The following ITGBL1 variants were observed in gnomAD, a reference collection of about 807,000 sequenced individuals.
The protein encoded by ITGBL1 is integrin beta-like protein 1.
Under a neutral mutation model 68.5 loss-of-function variants are expected in ITGBL1, and 51 were observed. The observed-to-expected ratio is 0.74, with a 90% CI of 0.59 to 0.94. The LOEUF (loss-of-function observed/expected upper bound fraction) is 0.94. ITGBL1 is among the 40% of genes least tolerant of loss of function. The probability of loss-of-function intolerance (pLI) is 0.00; values close to 1 mark genes in which losing one functional copy is unlikely to be tolerated. For synonymous variants in ITGBL1, 209 were observed against 227.3 expected, an observed-to-expected ratio of 0.92 and a Z score of 0.72; for missense variants, 649 against 647.4, an observed-to-expected ratio of 1.00 and a Z score of -0.03.
At chr13:101,643,902 A>G (rs1031925813) in intron 7 of ITGBL1, among the ~76,000 whole-genome samples, 2 of 152,228 alleles carry the variant, frequency 1.3e-5, no homozygotes, top group Admixed American at 1.3e-4. Flanking sequence ...ATGAATACCA[A>G]GCTCTTTCTC....
At chr13:101,592,414 G>T (rs555617531) in intron 6 of ITGBL1, among the ~76,000 whole-genome samples, 1 of 152,042 alleles carries the variant, frequency 6.6e-6, no homozygotes, top group Admixed American at 6.6e-5. Flanking sequence ...ATCTGCGGTC[G>T]TGTCAAAAAT....
chr13:101,530,254 G>C (rs9300676), intron 2 of ITGBL1, among the ~76,000 whole-genome samples: 1 of 151,520 alleles, frequency 6.6e-6, no homozygotes, highest in African/African-American at 2.4e-5. Flanking sequence ...ATTATATATA[G>C]AGAGAGAGAG....
chr13:101,577,418 TTTGAG>T (rs1424115262), intron 4 of ITGBL1, among the ~76,000 whole-genome samples: 2 of 152,232 alleles, frequency 1.3e-5, no homozygotes, highest in African/African-American at 2.4e-5. Context: ...AATATTTTTA[TTTGAG>T]TTATGTGGAT....
At chr13:101,603,085 G>T (rs2030489036) in intron 7 of ITGBL1, among the ~76,000 whole-genome samples, 6 of 151,868 alleles carry the variant, frequency 4.0e-5, no homozygotes, top group Admixed American at 3.9e-4. Flanking sequence ...TTTCTTTGGG[G>T]TCTGTATCTG....
intron 2 of ITGBL1, among the ~76,000 whole-genome samples, chr13:101,458,033 C>T (rs1375493707): frequency 1.3e-5 from 2 of 152,122 alleles, no homozygotes; most frequent in African/African-American, 4.8e-5. Flanking sequence ...TAATTGAATT[C>T]AATTTAGCAA....
chr13:101,528,019 C>T lies in ITGBL1; in HGVS notation c.317-39680C>T, dbSNP rs1363371702. Among the ~76,000 whole-genome samples, 7 of 150,100 alleles carry T rather than the reference C, an allele frequency of 4.7e-5. No homozygotes were observed. The East Asian group carries it at 1.4e-3, about 29-fold the overall frequency. The stretch of plus-strand genomic sequence containing the variant: ...TGAAGGTAAAATGTTTATGGTTTTG[C>T]TAAAATCCAATTTGTAGATTATTTT... On this transcript the variant is annotated intron_variant, in intron 2 of 10. Transcript: ENST00000376180.
chr13:101,515,347 C>G (rs577527132), intron 2 of ITGBL1, among the ~76,000 whole-genome samples: 126 of 150,960 alleles, frequency 8.3e-4, no homozygotes, highest in Non-Finnish European at 1.4e-3. Flanking sequence ...TTTTTTTTAG[C>G]CCAGCATTTT....
intron 6 of ITGBL1, among the ~76,000 whole-genome samples, chr13:101,594,504 C>T (rs1029928125): frequency 3.3e-5 from 5 of 151,532 alleles, no homozygotes; most frequent in Non-Finnish European, 7.4e-5. Context: ...GAGAAAAGCT[C>T]CATGCCATTG....
chr13:101,497,705 C>T (rs891772089), intron 2 of ITGBL1, among the ~76,000 whole-genome samples: 6 of 152,288 alleles, frequency 3.9e-5, no homozygotes, highest in African/African-American at 1.4e-4. Context: ...TGGAAGCTCT[C>T]GGTCCTTACT....
intron 7 of ITGBL1, among the ~76,000 whole-genome samples, chr13:101,599,550 T>G (rs886749838): frequency 6.6e-6 from 1 of 152,220 alleles, no homozygotes; most frequent in African/African-American, 2.4e-5. Flanking sequence ...GGTTTTCTTC[T>G]AGGGTTTTTA....
intron 7 of ITGBL1, among the ~76,000 whole-genome samples, chr13:101,654,397 A>G (rs1264805073): frequency 6.6e-6 from 1 of 152,176 alleles, no homozygotes; most frequent in Non-Finnish European, 1.5e-5. Flanking sequence ...CAACTAAGAA[A>G]CACAACAGGA....
At chr13:101,706,014 A>G (rs2034256463) in intron 8 of ITGBL1, among the ~76,000 whole-genome samples, 1 of 152,198 alleles carries the variant, frequency 6.6e-6, no homozygotes, top group South Asian at 2.1e-4. Flanking sequence ...AAATGGAAGA[A>G]ATTGAAATGG....
chr13:101,639,843 A>G (rs2139427316), intron 7 of ITGBL1, among the ~76,000 whole-genome samples: 1 of 152,320 alleles, frequency 6.6e-6, no homozygotes, highest in South Asian at 2.1e-4. Context: ...TATATAGACA[A>G]CACATGAAGA....
At chr13:101,586,985 T>C (rs1457810345) in intron 6 of ITGBL1, among the ~76,000 whole-genome samples, 2 of 152,164 alleles carry the variant, frequency 1.3e-5, no homozygotes, top group African/African-American at 2.4e-5. Flanking sequence ...ACATCAATAT[T>C]CTCTAGTCTT....
chr13:101,614,137 A>G (rs958252067), intron 7 of ITGBL1, among the ~76,000 whole-genome samples: 1 of 152,168 alleles, frequency 6.6e-6, no homozygotes, highest in African/African-American at 2.4e-5. Flanking sequence ...GCACGTTTGA[A>G]TACCGGCAGC....
chr13:101,582,821 G>A (rs2050483066), intron 5 of ITGBL1, among the ~76,000 whole-genome samples: 1 of 152,062 alleles, frequency 6.6e-6, no homozygotes, highest in Admixed American at 6.5e-5. Flanking sequence ...GAGCATTCAT[G>A]TCTTAGTTTA....
At chr13:101,466,718 A>G (rs2048386739) in intron 2 of ITGBL1, among the ~76,000 whole-genome samples, 1 of 152,218 alleles carries the variant, frequency 6.6e-6, no homozygotes, top group South Asian at 2.1e-4. Flanking sequence ...AAACAAAAAT[A>G]TTTAGCACAA....
intron 3 of ITGBL1, among the ~76,000 whole-genome samples, chr13:101,571,313 C>T (rs993157771): frequency 3.3e-5 from 5 of 152,078 alleles, no homozygotes; most frequent in Admixed American, 1.3e-4. Flanking sequence ...CTCTCCACTT[C>T]CCCCCACTCA....
chr13:101,663,191 A>G (rs1454415430), intron 7 of ITGBL1, among the ~76,000 whole-genome samples: 2 of 152,186 alleles, frequency 1.3e-5, no homozygotes, highest in African/African-American at 4.8e-5. Context: ...AATAATAGTA[A>G]ATGTCTTTGG....
Sources: allele counts gnomAD v4.1 joint callset (sites outside exome capture counted in the v4.1 genomes callset), GRCh38; gene constraint gnomAD v4.1.1; transcripts MANE v1.5; gene names NCBI Gene and HGNC (gene_info 2026-07-23, HGNC 2026-07-21).